SGCZ: variants seen among roughly 807,000 people sequenced by gnomAD.
The protein encoded by SGCZ is sarcoglycan zeta.
In SGCZ, 40 loss-of-function variants were observed where a neutral mutation model predicts 41.3. The observed-to-expected ratio is 0.97, with a 90% confidence interval of 0.75 to 1.26. The LOEUF (loss-of-function observed/expected upper bound fraction) is 1.26. SGCZ is among the 50% of genes most tolerant of loss of function. The pLI is 0.00. For synonymous variants in SGCZ, 206 were observed against 137.5 expected (o/e 1.50, Z -3.49); for missense variants, 552 against 369.8 (o/e 1.49, Z -4.04).
intron 5 of SGCZ, among the ~76,000 whole-genome samples, chr8:14,114,089 T>C (rs1273969152): frequency 6.6e-6 from 1 of 152,068 alleles, no homozygotes; most frequent in Non-Finnish European, 1.5e-5. Context: ...TAAGCTCTTA[T>C]CCAGTAACTT....
intron 2 of SGCZ, among the ~76,000 whole-genome samples, chr8:14,345,339 T>C (rs1441248923): frequency 1.3e-5 from 2 of 152,108 alleles, no homozygotes; most frequent in African/African-American, 2.4e-5. Context: ...AGAAGGCACA[T>C]TTGGAAAACT....
chr8:14,702,956 G>T (rs972532424), intron 1 of SGCZ, among the ~76,000 whole-genome samples: 10 of 140,806 alleles, frequency 7.1e-5, no homozygotes, highest in Non-Finnish European at 1.1e-4. Context: ...TAGATAGATA[G>T]ATAGATAGAT....
intron 1 of SGCZ, among the ~76,000 whole-genome samples, chr8:15,153,534 G>T (rs1799240025): frequency 6.6e-6 from 1 of 152,006 alleles, no homozygotes; most frequent in South Asian, 2.1e-4. Flanking sequence ...AATGATGGAG[G>T]TGGGGCCGGG....
chr8:14,987,186 TTAAG>T lies in SGCZ; in HGVS notation c.39+250395_39+250398del, dbSNP rs562543197. On this transcript the variant is annotated intron_variant, in intron 1 of 7. Coordinates refer to ENST00000382080, the MANE Select transcript of SGCZ (RefSeq NM_139167.4). ...TTTCTGAAGTTATCTTTTTGCATATTTAAGTATTATAAAATAGCACCAAAAAGTA... is the reference window on the plus strand; with the variant it reads ...TTTCTGAAGTTATCTTTTTGCATATTTATTATAAAATAGCACCAAAAAGTA... Among the ~76,000 whole-genome samples the T allele has an allele frequency of 9.2e-5, 14 of 151,986 alleles. No individual in the cohort carries two copies. In the East Asian group the frequency reaches 2.7e-3, roughly 29 times the overall value.
intron 1 of SGCZ, among the ~76,000 whole-genome samples, chr8:15,217,021 T>G (rs192210977): frequency 6.6e-6 from 1 of 151,982 alleles, no homozygotes; most frequent in Non-Finnish European, 1.5e-5. Context: ...ACTTTTCAGG[T>G]ATCATGTCCT....
chr8:14,179,352 T>C (rs562479659), intron 4 of SGCZ, among the ~76,000 whole-genome samples: 2 of 152,326 alleles, frequency 1.3e-5, no homozygotes, highest in East Asian at 3.9e-4. Flanking sequence ...ACACTGTGAA[T>C]GACTTGGGCT....
chr8:15,225,262 G>A (rs1801729077), intron 1 of SGCZ, among the ~76,000 whole-genome samples: 1 of 151,936 alleles, frequency 6.6e-6, no homozygotes, highest in Admixed American at 6.6e-5. Context: ...ATGCAATTTA[G>A]TTAAAAGCGT....
chr8:15,059,479 C>T (rs1804837694), intron 1 of SGCZ, among the ~76,000 whole-genome samples: 1 of 152,076 alleles, frequency 6.6e-6, no homozygotes, highest in Non-Finnish European at 1.5e-5. Flanking sequence ...TTAGATCCTC[C>T]ATAAAAGGGA....
At chr8:14,194,516 C>G (rs2117054229) in intron 4 of SGCZ, among the ~76,000 whole-genome samples, 1 of 151,818 alleles carries the variant, frequency 6.6e-6, no homozygotes, top group South Asian at 2.1e-4. Flanking sequence ...GTTTGGGACT[C>G]TGAGGTTAAA....
At chr8:14,628,349 C>A (rs1185302008) in intron 1 of SGCZ, among the ~76,000 whole-genome samples, 1 of 132,720 alleles carries the variant, frequency 7.5e-6, no homozygotes. Context: ...AGCTGATAAC[C>A]TCCCTCTAAT....
rs936933596 is a variant in SGCZ at position 14,665,624 on chromosome 8, T to C, written c.40-110698A>G. Among the ~76,000 whole-genome samples the C allele has an allele frequency of 5.3e-5, 8 of 152,314 alleles. No individual in the cohort carries two copies. In the East Asian group the frequency reaches 1.5e-3, roughly 29 times the overall value. ...TAGACATTAGATATTTGCATTACTA[T>C]ATTTTAAAAAGTAATCCTTTCCTTG... On this transcript the variant is annotated intron_variant, in intron 1 of 7. Transcript: ENST00000382080.
intron 1 of SGCZ, among the ~76,000 whole-genome samples, chr8:14,598,741 G>A (rs1805494788): frequency 6.6e-6 from 1 of 151,888 alleles, no homozygotes; most frequent in African/African-American, 2.4e-5. Flanking sequence ...AGTAGCCCAG[G>A]CTTATCTCAA....
At chr8:14,517,211 T>G (rs900815763) in intron 2 of SGCZ, among the ~76,000 whole-genome samples, 1 of 135,272 alleles carries the variant, frequency 7.4e-6, no homozygotes, top group Non-Finnish European at 1.6e-5. Flanking sequence ...AACAAAAAAA[T>G]GCCAAAACTA....
At chr8:14,720,726 A>G (rs1260542963) in intron 1 of SGCZ, among the ~76,000 whole-genome samples, 1 of 152,084 alleles carries the variant, frequency 6.6e-6, no homozygotes, top group Non-Finnish European at 1.5e-5. Context: ...TAGTTGCAAC[A>G]TAGACCACGT....
chr8:14,315,999 G>C (rs965383638), intron 3 of SGCZ, among the ~76,000 whole-genome samples: 1 of 151,834 alleles, frequency 6.6e-6, no homozygotes, highest in Non-Finnish European at 1.5e-5. Context: ...GAGTTCTGTT[G>C]ATTTAGAATA....
chr8:14,243,303 C>T (rs1050477327), intron 3 of SGCZ, among the ~76,000 whole-genome samples: 15 of 152,184 alleles, frequency 9.9e-5, no homozygotes, highest in Non-Finnish European at 1.8e-4. Flanking sequence ...ACCTTATCCT[C>T]AGTTCCTCTA....
chr8:15,169,009 C>A (rs1438809130), intron 1 of SGCZ, among the ~76,000 whole-genome samples: 2 of 152,154 alleles, frequency 1.3e-5, no homozygotes, highest in Non-Finnish European at 2.9e-5. Context: ...TTACCCCTTG[C>A]CTTGTTTTGT....
At chr8:15,079,047 CAG>C (rs1342104050) in intron 1 of SGCZ, among the ~76,000 whole-genome samples, 1 of 152,106 alleles carries the variant, frequency 6.6e-6, no homozygotes, top group Non-Finnish European at 1.5e-5. Context: ...CAAATCCTTA[CAG>C]AGTCTCCCAG....
chr8:14,476,157 C>G (rs900875680), intron 2 of SGCZ, among the ~76,000 whole-genome samples: 6 of 152,126 alleles, frequency 3.9e-5, no homozygotes, highest in Admixed American at 3.3e-4. Flanking sequence ...TGGGAAAACA[C>G]TATTTCTGGG....
Sources: allele counts gnomAD v4.1 joint callset (sites outside exome capture counted in the v4.1 genomes callset), GRCh38; gene constraint gnomAD v4.1.1; transcripts MANE v1.5; gene names NCBI Gene and HGNC (gene_info 2026-07-23, HGNC 2026-07-21).